KIDINS220: variants seen among roughly 807,000 people sequenced by gnomAD.
KIDINS220 encodes the protein kinase D interacting substrate 220.
A neutral mutation model predicts 157.6 loss-of-function variants in KIDINS220; 63 were observed. That is an observed-to-expected ratio of 0.40 (90% CI 0.33 to 0.49). The LOEUF is 0.49. Among genes scored for constraint, KIDINS220 ranks in the 20% least tolerant of loss-of-function variants. KIDINS220 has a pLI of 0.66. For synonymous variants in KIDINS220, 732 were observed against 783.6 expected (o/e 0.93, Z 1.10); for missense variants, 1,772 against 2,171.2 (o/e 0.82, Z 3.65).
intron 22 of KIDINS220, among the ~76,000 whole-genome samples, chr2:8,755,359 GA>G (rs2148073498): frequency 6.6e-6 from 1 of 152,254 alleles, no homozygotes; most frequent in African/African-American, 2.4e-5. Context: ...TGCACTAGTG[GA>G]ATTACTTTCT....
rs1366697062 is a variant in KIDINS220, at chr2:8,730,555, A to C, written c.*165T>G. ...GGCTGGCTGGTGAGCCATGCTTCTC[A>C]TGCTCCCTTCTGTCACACTGCAGAT... On this transcript the variant is annotated 3_prime_UTR_variant, in exon 30 of 30. Coordinates refer to ENST00000256707, the MANE Select transcript of KIDINS220 (RefSeq NM_020738.4). The C allele has an allele frequency of 7.0e-7, 1 of 1,432,536 alleles. No homozygotes were observed. Among genetic ancestry groups the C allele is most frequent in the Non-Finnish European group, 9.1e-7 (1 of 1,100,806 alleles). The allele number at this position is 1,432,536 out of a possible 1,614,324, so 88.7% of individuals were successfully genotyped here. A position where few individuals can be genotyped will look rare whatever the true frequency, so the allele number is the denominator to read the frequency against.
At chr2:8,782,460 G>A (rs1671848339) in intron 17 of KIDINS220, among the ~76,000 whole-genome samples, 1 of 152,164 alleles carries the variant, frequency 6.6e-6, no homozygotes, top group Non-Finnish European at 1.5e-5. Flanking sequence ...AAACAGACCA[G>A]TTCTTTCAAA....
intron 17 of KIDINS220, among the ~76,000 whole-genome samples, chr2:8,780,287 T>TA (rs5829189): frequency 0.44 from 66,739 of 152,122 alleles, 17,884 homozygotes; most frequent in East Asian, 0.6. Context: ...TAGAGGAACT[T>TA]ATATTATTAG....
chr2:8,818,966 T>G (rs968264021), intron 2 of KIDINS220, among the ~76,000 whole-genome samples, 173 bp from the exon 3 acceptor site: 5 of 152,176 alleles, frequency 3.3e-5, no homozygotes, highest in African/African-American at 1.2e-4. Flanking sequence ...TACTAATAAT[T>G]TAAAAGTCAA....
At chr2:8,749,546 C>T (rs1214173374) in intron 24 of KIDINS220, 10 of 339,674 alleles carry the variant, frequency 2.9e-5, no homozygotes, top group Non-Finnish European at 2.9e-5. Context: ...GGAAATTATC[C>T]TATTTATATT....
intron 7 of KIDINS220, among the ~76,000 whole-genome samples, chr2:8,805,177 G>A (rs563591517): frequency 2.0e-5 from 3 of 152,296 alleles, no homozygotes; most frequent in Non-Finnish European, 2.9e-5. Context: ...ATGGAGCTGC[G>A]CTATGCCACC....
At chr2:8,834,783 C>T (rs897226471) in intron 1 of KIDINS220, among the ~76,000 whole-genome samples, 1 of 152,166 alleles carries the variant, frequency 6.6e-6, no homozygotes. Context: ...CAAAACCCCC[C>T]TCGCGGGTCA....
At chr2:8,726,156 A>T (rs888246854), downstream of KIDINS220, among the ~76,000 whole-genome samples, 4 of 152,176 alleles carry the variant, frequency 2.6e-5, no homozygotes, top group Non-Finnish European at 5.9e-5. Context: ...AATTGCTCCT[A>T]CTTCTTGACT....
chr2:8,791,025 T>C, intron 13 of KIDINS220, 35 bp downstream of exon 13: 1 of 1,565,886 alleles, frequency 6.4e-7, no homozygotes, highest in Non-Finnish European at 8.7e-7. Context: ...AACCTTGCTT[T>C]ATATATACAG....
In KIDINS220 at chr2:8,793,748, A is replaced by G; in HGVS notation, c.1276+62T>C. The G allele has an allele frequency of 2.8e-6, 4 of 1,448,956 alleles. No individual in the cohort carries two copies. In the East Asian group the frequency reaches 7.0e-5, roughly 25 times the overall value. 89.8% of individuals were successfully genotyped at this position (1,448,956 alleles called of 1,614,324 possible). Reference sequence around the variant, plus strand: ...GCCACCATGCCTGGCCTTATTTTCCATATTCTTTAATGGAACATTGATTAT... The same window carrying G: ...GCCACCATGCCTGGCCTTATTTTCCGTATTCTTTAATGGAACATTGATTAT... On this transcript the variant is annotated intron_variant, in intron 12 of 29. Transcript: ENST00000256707.
chr2:8,815,274 G>A (rs1397861362), intron 4 of KIDINS220, among the ~76,000 whole-genome samples: 2 of 151,808 alleles, frequency 1.3e-5, no homozygotes, highest in African/African-American at 4.8e-5. Context: ...GGTGGTGTGT[G>A]TCTGTAGTCC....
chr2:8,789,283 ATTTT>A (rs70946384), intron 14 of KIDINS220, among the ~76,000 whole-genome samples: 3 of 109,068 alleles, frequency 2.8e-5, no homozygotes, highest in African/African-American at 8.1e-5. Flanking sequence ...CAGAAAAAGA[ATTTT>A]TTTTTTTTTT....
chr2:8,790,151 AACATTTATTGG>A, intron 13 of KIDINS220, 92 bp from the exon 14 acceptor site: 2 of 1,206,166 alleles, frequency 1.7e-6, no homozygotes, highest in Non-Finnish European at 2.3e-6. Flanking sequence ...TTTCAATGTA[AACATTTATTGG>A]ACACTTAGTA....
rs1572793391 is a variant in KIDINS220 at position 8,819,326 on chromosome 2, T to C, written c.109-533A>G. The stretch of plus-strand genomic sequence containing the variant: ...TCATTAAACTAAATAAAGCTCCTAC[T>C]GCTGAAATCAGTGTCCCAGCCTTTG... On this transcript the variant is annotated intron_variant, in intron 2 of 29. Transcript: ENST00000256707. 8.5e-5 allele frequency among the ~76,000 whole-genome samples: 13 copies of C among 152,204 alleles called. 1 individual carries two copies. Among genetic ancestry groups the C allele is most frequent in the Admixed American group, 8.5e-4 (13 of 15,284 alleles).
chr2:8,751,256 C>CT lies in KIDINS220; in HGVS notation c.3190+209dup, dbSNP rs74858222. On this transcript the variant is annotated intron_variant, in intron 23 of 29. Transcript: ENST00000256707. ...GATCCACAAATACTAACAGGATTTT[C>CT]TTTTTTTTTTTTTTTGTTTTTGTTT... Among the ~76,000 whole-genome samples the CT allele has an allele frequency of 4.0e-3, 542 of 135,586 alleles. 2 individuals are homozygous for CT. Among genetic ancestry groups the CT allele is most frequent in the African/African-American group, 5.8e-3 (221 of 37,904 alleles). 88.9% of individuals were successfully genotyped at this position (135,586 alleles called of 152,430 possible).
At chr2:8,800,585 T>A in intron 8 of KIDINS220, 87 bp from the exon 9 acceptor site, 1 of 964,994 alleles carries the variant, frequency 1.0e-6, no homozygotes, top group South Asian at 1.7e-5. Context: ...CATGTTTTCA[T>A]ATTTTTTTCT....
intron 26 of KIDINS220, among the ~76,000 whole-genome samples, chr2:8,744,386 AAAATATATATATATAATATATATATAT>A (rs1666185222): frequency 5.6e-4 from 15 of 26,862 alleles, no homozygotes; most frequent in Admixed American, 2.1e-3. Flanking sequence ...AAAAAAAAAA[AAAATATATATATATAATATATATATAT>A]ATATATATAT....
In KIDINS220 at chr2:8,806,295, T is replaced by A. The variant is rs1675444842; in HGVS notation, c.579A>T (p.Gly193=). ...CAGCTCCTTCTTGATCCACATCAGC[T>A]CCCATGGCCAATAAATGTTTCACAC... ...LECVKHLLAM[G]ADVDQEGANS... is the part of the protein sequence containing the mutation. Residue 193 remains glycine (G), a synonymous_variant, in exon 7 of 30, where the codon GGA becomes GGT. Coordinates refer to ENST00000256707, the MANE Select transcript of KIDINS220 (RefSeq NM_020738.4). The A allele has an allele frequency of 6.2e-6, 10 of 1,610,270 alleles. No homozygotes were observed. The highest frequency in any genetic ancestry group is 8.5e-6 in the Non-Finnish European group (10 of 1,177,846).
chr2:8,795,953 C>T (rs1392423492), intron 11 of KIDINS220, among the ~76,000 whole-genome samples: 1 of 152,086 alleles, frequency 6.6e-6, no homozygotes, highest in Non-Finnish European at 1.5e-5. Flanking sequence ...ATTAAAGTTT[C>T]CTTTCTTTGA....
Sources: gnomAD v4.1 joint callset for allele counts (sites outside exome capture counted in the v4.1 genomes callset) on GRCh38, gnomAD v4.1.1 for gene constraint, MANE v1.5 for transcripts, NCBI Gene and HGNC (gene_info 2026-07-23, HGNC 2026-07-21) for gene names.